Variants in RBFOX1 observed in about 807,000 individuals in gnomAD.
RBFOX1 encodes the protein RNA binding fox-1 homolog 1, also known as RNA binding protein fox-1 homolog 1.
In RBFOX1, 8 loss-of-function variants were observed where a neutral mutation model predicts 57.7. The ratio of observed to expected loss-of-function variants is 0.14; its 90% CI spans 0.08 to 0.25. The LOEUF (loss-of-function observed/expected upper bound fraction) is 0.25, where lower values mean the gene tolerates loss of function less well. Ranked by LOEUF, RBFOX1 falls within the 10% of genes least tolerant of loss-of-function variation. The pLI, the probability that RBFOX1 is intolerant of heterozygous loss-of-function variation, is 1.00. For missense variants in RBFOX1, 611 were observed against 548.5 expected (o/e 1.11, Z -1.14); for synonymous variants, 326 against 222.4 (o/e 1.47, Z -4.15).
At chr16:5,536,475 A>G (rs1283014012) in intron 2 of RBFOX1, among the ~76,000 whole-genome samples, 1 of 151,996 alleles carries the variant, frequency 6.6e-6, no homozygotes, top group African/African-American at 2.4e-5. Context: ...ACCTCAGGTG[A>G]TCTGTCTGCC....
rs760390213 is a variant in RBFOX1, at chr16:7,653,809, C to G, written c.758-6C>G. On this transcript the variant is annotated splice_region_variant and splice_polypyrimidine_tract_variant and intron_variant, in intron 11 of 15. Transcript: ENST00000550418. ...CTCTCTCTCTCTCTCTCCTCTTGCC[C>G]CGCAGTGCCAGGCTTCCCGTATCCA... is the stretch of plus-strand genomic sequence containing the variant. 1.2e-6 allele frequency: 2 copies of G among 1,608,120 alleles called. No homozygotes were observed. The highest frequency in any genetic ancestry group is 1.7e-6 in the Non-Finnish European group (2 of 1,179,586).
intron 3 of RBFOX1, among the ~76,000 whole-genome samples, chr16:6,700,673 A>G (rs1361588047): frequency 6.6e-6 from 1 of 152,090 alleles, no homozygotes; most frequent in African/African-American, 2.4e-5. Context: ...AATAATAATA[A>G]TAATAATTTT....
At chr16:6,557,925 A>G (rs1478041957) in intron 2 of RBFOX1, among the ~76,000 whole-genome samples, 1 of 152,148 alleles carries the variant, frequency 6.6e-6, no homozygotes, top group Non-Finnish European at 1.5e-5. Context: ...TATACTGCTT[A>G]TGGCATGCCC....
At chr16:5,402,808 G>T (rs577816125) in intron 1 of RBFOX1, among the ~76,000 whole-genome samples, 2 of 152,082 alleles carry the variant, frequency 1.3e-5, no homozygotes, top group South Asian at 2.1e-4. Flanking sequence ...TCTTCCCTCT[G>T]TTTCACTTTC....
At chr16:6,421,576 T>C (rs1394275507) in intron 2 of RBFOX1, among the ~76,000 whole-genome samples, 1 of 152,200 alleles carries the variant, frequency 6.6e-6, no homozygotes, top group Non-Finnish European at 1.5e-5. Context: ...GGCTCAAATA[T>C]ATTTTGCATA....
At chr16:5,392,113 G>A (rs1382663465) in intron 1 of RBFOX1, among the ~76,000 whole-genome samples, 1 of 151,886 alleles carries the variant, frequency 6.6e-6, no homozygotes, top group East Asian at 1.9e-4. Context: ...TGATACAATG[G>A]ACTTTGGGGA....
At chr16:5,862,742 C>A (rs796435175) in intron 3 of RBFOX1, among the ~76,000 whole-genome samples, 95 of 152,212 alleles carry the variant, frequency 6.2e-4, no homozygotes, top group African/African-American at 2.2e-3. Flanking sequence ...GTGCTTGAGC[C>A]ATTTTGAGTT....
intron 1 of RBFOX1, among the ~76,000 whole-genome samples, chr16:6,181,168 C>G (rs568139739): frequency 2.0e-5 from 3 of 152,162 alleles, no homozygotes; most frequent in Non-Finnish European, 2.9e-5. Context: ...TTTTCCATCA[C>G]TGAGAATATA....
intron 4 of RBFOX1, among the ~76,000 whole-genome samples, chr16:5,893,205 A>T (rs745897366): frequency 1.3e-5 from 2 of 152,212 alleles, no homozygotes; most frequent in African/African-American, 2.4e-5. Context: ...TCATCCTCAC[A>T]TAGCTTTGAA....
intron 1 of RBFOX1, among the ~76,000 whole-genome samples, chr16:6,183,486 TTAAA>T (rs71142688): frequency 0.04 from 5,653 of 140,874 alleles, 156 homozygotes; most frequent in African/African-American, 0.059. Context: ...TCTAAAAAAA[TTAAA>T]TAAATAAATA....
chr16:6,495,333 G>A (rs947642309), intron 2 of RBFOX1, among the ~76,000 whole-genome samples: 1 of 152,206 alleles, frequency 6.6e-6, no homozygotes, highest in East Asian at 1.9e-4. Flanking sequence ...TTTCCAGGCT[G>A]GTCTCGAACT....
At chr16:7,396,114 G>C (rs539944171) in intron 4 of RBFOX1, among the ~76,000 whole-genome samples, 1 of 152,130 alleles carries the variant, frequency 6.6e-6, no homozygotes, top group African/African-American at 2.4e-5. Flanking sequence ...GGAGGGGATT[G>C]AGGGCTGTTC....
chr16:5,490,729 CG>C (rs1340143406), intron 2 of RBFOX1, among the ~76,000 whole-genome samples: 4 of 152,140 alleles, frequency 2.6e-5, no homozygotes, highest in African/African-American at 9.7e-5. Context: ...AGAGCAGCCG[CG>C]TGGGAGAGCA....
chr16:6,733,723 A>C (rs1000574179), intron 3 of RBFOX1, among the ~76,000 whole-genome samples: 3 of 151,924 alleles, frequency 2.0e-5, no homozygotes, highest in African/African-American at 4.8e-5. Flanking sequence ...ACACCACTGC[A>C]CTCCAGCCCG....
chr16:6,506,515 G>T (rs565748889), intron 2 of RBFOX1, among the ~76,000 whole-genome samples: 10 of 151,992 alleles, frequency 6.6e-5, no homozygotes, highest in African/African-American at 2.4e-4. Context: ...TCAGGGTTAA[G>T]TGGGGACCAT....
intron 3 of RBFOX1, among the ~76,000 whole-genome samples, chr16:6,801,560 A>G (rs1231735894): frequency 6.6e-6 from 1 of 152,066 alleles, no homozygotes; most frequent in East Asian, 1.9e-4. Context: ...GGGTGCAGCA[A>G]AAGGAAGCCC....
intron 3 of RBFOX1, among the ~76,000 whole-genome samples, chr16:6,870,197 A>G (rs893334464): frequency 2.0e-5 from 3 of 152,136 alleles, no homozygotes; most frequent in Admixed American, 6.6e-5. Context: ...ACCTTATTTC[A>G]TCTAGAATTT....
At chr16:6,954,659 A>G (rs921723563) in intron 3 of RBFOX1, among the ~76,000 whole-genome samples, 6 of 152,052 alleles carry the variant, frequency 3.9e-5, no homozygotes, top group Non-Finnish European at 8.8e-5. Context: ...CAGTTCTCCA[A>G]TATCAGGTCA....
intron 1 of RBFOX1, among the ~76,000 whole-genome samples, chr16:6,078,828 G>C (rs1451095670): frequency 1.3e-5 from 2 of 152,144 alleles, no homozygotes; most frequent in African/African-American, 4.8e-5. Context: ...TAAGTTTGTT[G>C]CTGTCTTAGA....
Sources: allele counts gnomAD v4.1 joint callset (sites outside exome capture counted in the v4.1 genomes callset), GRCh38; gene constraint gnomAD v4.1.1; transcripts MANE v1.5; gene names NCBI Gene and HGNC (gene_info 2026-07-23, HGNC 2026-07-21).